Variants in EYS observed in about 807,000 individuals in gnomAD.
The protein encoded by EYS is EGF-like photoreceptor maintenance factor, also known as protein eyes shut homolog.
In EYS, 250 loss-of-function variants were observed where a neutral mutation model predicts 282.1. The ratio of observed to expected loss-of-function variants is 0.89; its 90% CI spans 0.80 to 0.98. The LOEUF (loss-of-function observed/expected upper bound fraction) is 0.98, where lower values mean the gene tolerates loss of function less well. EYS is among the 50% of genes least tolerant of loss of function. EYS has a pLI of 0.00. For synonymous variants in EYS, 1,355 were observed against 1,282.9 expected (o/e 1.06, Z -1.20); for missense variants, 4,016 against 3,709.0 (o/e 1.08, Z -2.15).
At chr6:64,143,572 A>G (rs1008637145) in intron 31 of EYS, among the ~76,000 whole-genome samples, 1 of 152,130 alleles carries the variant, frequency 6.6e-6, no homozygotes, top group Non-Finnish European at 1.5e-5. Flanking sequence ...TGTCTTTGAG[A>G]GATTCAGGTG....
chr6:64,576,869 C>T (rs894405668), intron 26 of EYS, among the ~76,000 whole-genome samples: 16 of 152,028 alleles, frequency 1.1e-4, no homozygotes, highest in African/African-American at 3.6e-4. Flanking sequence ...ATGTTAAAGT[C>T]TCAACTTCCA....
At chr6:64,489,359 C>G (rs1200270549) in intron 26 of EYS, among the ~76,000 whole-genome samples, 1 of 150,476 alleles carries the variant, frequency 6.6e-6, no homozygotes, top group Admixed American at 6.7e-5. Flanking sequence ...GACAATTGAG[C>G]TTTTCTTTTT....
intron 29 of EYS, among the ~76,000 whole-genome samples, chr6:64,334,092 A>C (rs1770748655): frequency 1.3e-5 from 2 of 152,228 alleles, no homozygotes; most frequent in African/African-American, 4.8e-5. Context: ...AATATTTTGA[A>C]GAATCCAAGA....
At position 64,999,843 on chromosome 6, in the gene EYS, G is replaced by A. The variant is rs374425609; in HGVS notation, c.2138-2140C>T. ...GTCAGAGGGGAGCCCAGGACGCCGA[G>A]CACCCCAACTCCAAGGGAAAACCAC... On this transcript the variant is annotated intron_variant, in intron 13 of 42. Coordinates refer to ENST00000503581, the MANE Select transcript of EYS (RefSeq NM_001142800.2). Among the ~76,000 whole-genome samples the A allele has an allele frequency of 1.4e-4, 21 of 152,218 alleles. No homozygotes were observed. The East Asian group carries it at 3.9e-3, about 28-fold the overall frequency.
chr6:63,741,163 A>G (rs1229439366), intron 41 of EYS, among the ~76,000 whole-genome samples: 1 of 152,188 alleles, frequency 6.6e-6, no homozygotes, highest in Non-Finnish European at 1.5e-5. Flanking sequence ...AGGAATAATA[A>G]CTAATAATTC....
intron 2 of EYS, among the ~76,000 whole-genome samples, chr6:65,542,098 C>T (rs1768188488): frequency 6.6e-6 from 1 of 152,132 alleles, no homozygotes; most frequent in African/African-American, 2.4e-5. Flanking sequence ...TATTTAACTT[C>T]ATTTATTCTA....
chr6:65,321,542 CATCTCTAATTT>C (rs2150305648), intron 11 of EYS, among the ~76,000 whole-genome samples: 1 of 152,274 alleles, frequency 6.6e-6, no homozygotes, highest in Non-Finnish European at 1.5e-5. Context: ...CAAGTTTTGA[CATCTCTAATTT>C]AAAATGTCAA....
intron 22 of EYS, among the ~76,000 whole-genome samples, chr6:64,720,922 G>A (rs1771557471): frequency 6.6e-6 from 1 of 152,144 alleles, no homozygotes; most frequent in Non-Finnish European, 1.5e-5. Context: ...CCTAAAATAT[G>A]CATCATAAGC....
chr6:65,471,151 C>T (rs1311075219), intron 5 of EYS, among the ~76,000 whole-genome samples: 1 of 138,044 alleles, frequency 7.2e-6, no homozygotes. Context: ...AACAAACAAA[C>T]AAAAACGAAA....
chr6:65,431,977 A>G (rs17320207), intron 5 of EYS, among the ~76,000 whole-genome samples: 19,681 of 152,138 alleles, frequency 0.13, 1,631 homozygotes, highest in South Asian at 0.21. Context: ...TTTTAAAAAT[A>G]ATTTAGAATA....
At chr6:64,568,817 G>A (rs1051643011) in intron 26 of EYS, among the ~76,000 whole-genome samples, 4 of 152,058 alleles carry the variant, frequency 2.6e-5, no homozygotes, top group African/African-American at 9.7e-5. Flanking sequence ...TGCAGCCTCC[G>A]CTGGTGATAC....
intron 22 of EYS, among the ~76,000 whole-genome samples, chr6:64,647,811 G>A (rs1010540016): frequency 3.3e-5 from 5 of 152,000 alleles, no homozygotes; most frequent in Non-Finnish European, 5.9e-5. Flanking sequence ...TTGTTCAACC[G>A]ACTCCTTATA....
At chr6:65,385,047 T>C (rs574638263) in intron 7 of EYS, among the ~76,000 whole-genome samples, 4 of 152,030 alleles carry the variant, frequency 2.6e-5, no homozygotes, top group African/African-American at 9.6e-5. Context: ...CTGCAATCTA[T>C]AAGTTGCTAA....
At chr6:64,385,757 T>C (rs1772888190) in intron 29 of EYS, among the ~76,000 whole-genome samples, 1 of 152,036 alleles carries the variant, frequency 6.6e-6, no homozygotes, top group Non-Finnish European at 1.5e-5. Context: ...CTTCTTCCAG[T>C]TCATTTATTC....
intron 26 of EYS, among the ~76,000 whole-genome samples, chr6:64,511,690 C>T (rs2150519569): frequency 6.6e-6 from 1 of 152,070 alleles, no homozygotes; most frequent in East Asian, 1.9e-4. Context: ...AGGGTGTTTT[C>T]TGAGAGAACA....
At chr6:64,542,321 G>A (rs1475983715) in intron 26 of EYS, among the ~76,000 whole-genome samples, 4 of 151,976 alleles carry the variant, frequency 2.6e-5, no homozygotes, top group Non-Finnish European at 5.9e-5. Context: ...TGTGTTTCAT[G>A]CTTACCAATT....
intron 2 of EYS, among the ~76,000 whole-genome samples, chr6:65,587,206 T>C (rs768830242): frequency 6.6e-6 from 1 of 152,112 alleles, no homozygotes; most frequent in Admixed American, 6.6e-5. Context: ...ATTGGTTTTA[T>C]AATCCTTTGG....
chr6:65,448,619 A>G (rs1764281536), intron 5 of EYS, among the ~76,000 whole-genome samples: 1 of 151,930 alleles, frequency 6.6e-6, no homozygotes, highest in South Asian at 2.1e-4. Flanking sequence ...TGGCACACAC[A>G]CTCATATACA....
At chr6:65,324,754 T>A (rs1472826279) in intron 11 of EYS, among the ~76,000 whole-genome samples, 1 of 152,218 alleles carries the variant, frequency 6.6e-6, no homozygotes, top group Non-Finnish European at 1.5e-5. Flanking sequence ...AAAAACTTTT[T>A]AAAAACCTTT....
Sources: gnomAD v4.1 joint callset for allele counts (sites outside exome capture counted in the v4.1 genomes callset) on GRCh38, gnomAD v4.1.1 for gene constraint, MANE v1.5 for transcripts, NCBI Gene and HGNC (gene_info 2026-07-23, HGNC 2026-07-21) for gene names.